Variants in PACRG observed in about 807,000 individuals in gnomAD.
PACRG encodes the protein parkin coregulated, also known as parkin coregulated gene protein.
In PACRG, 29 loss-of-function variants were observed where a neutral mutation model predicts 29.7. That is an observed-to-expected ratio of 0.98 (90% confidence interval 0.73 to 1.33). The LOEUF (loss-of-function observed/expected upper bound fraction) is 1.33, where lower values mean the gene tolerates loss of function less well. Ranked by LOEUF, PACRG falls within the 40% of genes most tolerant of loss-of-function variation. The pLI, the probability that PACRG is intolerant of heterozygous loss-of-function variation, is 0.00. For missense variants in PACRG, 279 were observed against 316.2 expected (o/e 0.88, Z 0.89); for synonymous variants, 116 against 118.7 (o/e 0.98, Z 0.15).
intron 1 of PACRG, among the ~76,000 whole-genome samples, chr6:162,747,961 G>A (rs1429658551): frequency 6.6e-6 from 1 of 152,058 alleles, no homozygotes; most frequent in South Asian, 2.1e-4. Context: ...TGATAAGTGG[G>A]CTAAAAAATG....
intron 4 of PACRG, among the ~76,000 whole-genome samples, chr6:163,159,945 C>G (rs901758555): frequency 6.6e-6 from 1 of 152,184 alleles, no homozygotes; most frequent in African/African-American, 2.4e-5. Flanking sequence ...CACGCTCAGC[C>G]CCACTCTCTC....
chr6:163,141,839 G>A (rs1195712737), intron 4 of PACRG, among the ~76,000 whole-genome samples: 1 of 151,900 alleles, frequency 6.6e-6, no homozygotes, highest in East Asian at 1.9e-4. Flanking sequence ...ACAAAGTAAA[G>A]GATCATAACT....
At chr6:163,265,423 C>A (rs996906260) in intron 4 of PACRG, among the ~76,000 whole-genome samples, 1 of 151,978 alleles carries the variant, frequency 6.6e-6, no homozygotes, top group African/African-American at 2.4e-5. Flanking sequence ...TCTTCGGGCC[C>A]GTGGGTATTT....
At chr6:163,095,577 G>T (rs1384071904) in intron 4 of PACRG, 1 of 421,468 alleles carries the variant, frequency 2.4e-6, no homozygotes, top group African/African-American at 2.3e-5. Context: ...AGGCTCCGGG[G>T]AAGCCTCCTT....
intron 4 of PACRG, among the ~76,000 whole-genome samples, chr6:163,240,788 T>G (rs994254470): frequency 1.1e-4 from 17 of 152,186 alleles, no homozygotes; most frequent in African/African-American, 3.6e-4. Flanking sequence ...CGTGGTCCAT[T>G]CCGGAGCGCA....
At chr6:162,747,460 A>G (rs1781157813) in intron 1 of PACRG, among the ~76,000 whole-genome samples, 1 of 93,716 alleles carries the variant, frequency 1.1e-5, no homozygotes, top group African/African-American at 5.5e-5. Flanking sequence ...ATAACTATAA[A>G]TATATATGTA....
intron 4 of PACRG, among the ~76,000 whole-genome samples, chr6:163,275,249 G>A (rs1783985014): frequency 6.6e-6 from 1 of 152,134 alleles, no homozygotes; most frequent in Non-Finnish European, 1.5e-5. Context: ...TGAGACAGCA[G>A]CAAATGAACT....
intron 2 of PACRG, among the ~76,000 whole-genome samples, chr6:162,947,629 T>TATATATATATAATC (rs1799324241): frequency 1.5e-5 from 1 of 67,750 alleles, no homozygotes; most frequent in South Asian, 5.6e-4. Flanking sequence ...TATATATATA[T>TATATATATATAATC]ATATATATAT....
At chr6:163,122,379 T>A (rs534269) in intron 4 of PACRG, among the ~76,000 whole-genome samples, 60,458 of 151,936 alleles carry the variant, frequency 0.4, 12,372 homozygotes, top group African/African-American at 0.5. Flanking sequence ...TCCGAATCGC[T>A]TGTTGAAATT....
intron 4 of PACRG, among the ~76,000 whole-genome samples, chr6:163,259,881 G>C (rs1171144343): frequency 6.6e-6 from 1 of 152,174 alleles, no homozygotes; most frequent in African/African-American, 2.4e-5. Context: ...GGGATGAGGG[G>C]CGGGCAGTGG....
Position 163,174,483 on chromosome 6 carries a change from C to T in PACRG, c.613+85075C>T, listed in dbSNP as rs77216145. Among the ~76,000 whole-genome samples, 684 of 152,240 alleles carry T rather than the reference C, an allele frequency of 4.5e-3. 4 individuals are homozygous for T. Among genetic ancestry groups the T allele is most frequent in the Non-Finnish European group, 5.1e-3 (347 of 68,026 alleles). ...CTTTTGAATATCACTTTGTTTTTAC[C>T]ATAGAGAGACTGTATAGAATCATAG... On this transcript the variant is annotated intron_variant, in intron 4 of 4. Transcript: ENST00000366888.
At chr6:162,897,929 G>A (rs1795284287) in intron 2 of PACRG, among the ~76,000 whole-genome samples, 1 of 152,202 alleles carries the variant, frequency 6.6e-6, no homozygotes, top group African/African-American at 2.4e-5. Context: ...TCCCATGGAA[G>A]CCAGAACGAG....
chr6:163,222,895 T>C (rs533890628), intron 4 of PACRG, among the ~76,000 whole-genome samples: 6 of 152,188 alleles, frequency 3.9e-5, no homozygotes, highest in Non-Finnish European at 8.8e-5. Context: ...TGAAAAATCA[T>C]GTAGAGTTGT....
chr6:162,747,914 T>G (rs1781210725), intron 1 of PACRG, among the ~76,000 whole-genome samples: 2 of 152,038 alleles, frequency 1.3e-5, no homozygotes, highest in South Asian at 2.1e-4. Context: ...TAACATCATA[T>G]TTTCTGGAAA....
intron 2 of PACRG, among the ~76,000 whole-genome samples, chr6:162,984,721 A>G (rs1802728258): frequency 6.6e-6 from 1 of 151,884 alleles, no homozygotes; most frequent in Non-Finnish European, 1.5e-5. Flanking sequence ...GTGAGGTGGT[A>G]TTGTATTGTG....
At chr6:162,925,589 C>T (rs1797374882) in intron 2 of PACRG, among the ~76,000 whole-genome samples, 1 of 151,976 alleles carries the variant, frequency 6.6e-6, no homozygotes, top group Non-Finnish European at 1.5e-5. Context: ...GATGCAAAGT[C>T]CTTCAATAAA....
At position 163,171,254 on chromosome 6, in the gene PACRG, A is replaced by G. The variant is rs1242832138; in HGVS notation, c.613+81846A>G. Among the ~76,000 whole-genome samples, 7 of 150,860 alleles carry G rather than the reference A, an allele frequency of 4.6e-5. No individual in the cohort carries two copies. In the East Asian group the frequency reaches 1.3e-3, roughly 29 times the overall value. On this transcript the variant is annotated intron_variant, in intron 4 of 4. Transcript: ENST00000366888. ...AGAAGCTTGCCACCTAGTAGTCAAGATGAGAAAAGAAAAGAAAAAAAAAAT... is the reference window on the plus strand; with the variant it reads ...AGAAGCTTGCCACCTAGTAGTCAAGGTGAGAAAAGAAAAGAAAAAAAAAAT...
intron 2 of PACRG, among the ~76,000 whole-genome samples, chr6:163,021,189 A>T (rs917793772): frequency 7.2e-5 from 11 of 152,140 alleles, no homozygotes; most frequent in Non-Finnish European, 1.6e-4. Flanking sequence ...TTCTGTGTGC[A>T]CAGTAGCCAC....
chr6:162,778,176 TGA>T (rs551109971), intron 1 of PACRG, among the ~76,000 whole-genome samples: 78 of 152,280 alleles, frequency 5.1e-4, no homozygotes, highest in African/African-American at 1.8e-3. Flanking sequence ...AGAGCAGCGC[TGA>T]GGCTAAAGGA....
Sources: gnomAD v4.1 joint callset for allele counts (sites outside exome capture counted in the v4.1 genomes callset) on GRCh38, gnomAD v4.1.1 for gene constraint, MANE v1.5 for transcripts, NCBI Gene and HGNC (gene_info 2026-07-23, HGNC 2026-07-21) for gene names.